DGKG: variants seen among roughly 807,000 people sequenced by gnomAD.
The protein encoded by DGKG is DAG kinase gamma.
Under a neutral mutation model 105.3 loss-of-function variants are expected in DGKG, and 78 were observed. The observed-to-expected ratio is 0.74, with a 90% CI of 0.62 to 0.89. The LOEUF is 0.89. Among genes scored for constraint, DGKG ranks in the 40% least tolerant of loss-of-function variants. The pLI, the probability that DGKG is intolerant of heterozygous loss-of-function variation, is 0.00. For synonymous variants in DGKG, 346 were observed against 367.1 expected, an observed-to-expected ratio of 0.94 and a Z score of 0.66; for missense variants, 958 against 1,020.1, an observed-to-expected ratio of 0.94 and a Z score of 0.83.
intron 1 of DGKG, among the ~76,000 whole-genome samples, chr3:186,331,818 G>C (rs1725618707): frequency 6.6e-6 from 1 of 152,214 alleles, no homozygotes; most frequent in Admixed American, 6.5e-5. Flanking sequence ...GTAATAACAA[G>C]CAATAGCAGC....
chr3:186,173,958 T>C (rs535651482), intron 22 of DGKG, among the ~76,000 whole-genome samples: 1 of 152,308 alleles, frequency 6.6e-6, no homozygotes, highest in Non-Finnish European at 1.5e-5. Context: ...CTGTGATTAA[T>C]GCTTTCCCCA....
chr3:186,225,565 G>A (rs1455281277), intron 20 of DGKG, among the ~76,000 whole-genome samples: 1 of 152,068 alleles, frequency 6.6e-6, no homozygotes, highest in East Asian at 1.9e-4. Context: ...CACACCTGAA[G>A]CCCAGCTTCT....
intron 1 of DGKG, among the ~76,000 whole-genome samples, chr3:186,343,644 G>C (rs544581735): frequency 1.4e-4 from 21 of 152,172 alleles, no homozygotes; most frequent in African/African-American, 5.1e-4. Flanking sequence ...TATCAACAGC[G>C]TGAGCATGAT....
In DGKG at chr3:186,261,751, G is replaced by T; in HGVS notation, c.1297C>A (p.His433Asn). The T allele has an allele frequency of 1.9e-6, 3 of 1,607,540 alleles. No homozygotes were observed. The highest frequency in any genetic ancestry group is 2.2e-5 in the South Asian group (2 of 89,354). ...GGGTTCACCAAGACCAGCAGGGGGT[G>T]GGTACCCGGGGTGGGGATGATCTTA... ...QYKIIPTPGT[H>N]PLLVLVNPKS... The change falls in exon 15 of 25, where the codon CAC (histidine) becomes AAC (asparagine). Residue 433 changes from histidine (H) to asparagine (N), a missense_variant. By Grantham distance (68) the His-to-Asn change is moderately conservative (BLOSUM62 1). Coordinates refer to ENST00000265022, the MANE Select transcript of DGKG (RefSeq NM_001346.3).
At chr3:186,305,379 A>T (rs749916984) in intron 3 of DGKG, among the ~76,000 whole-genome samples, 1 of 152,234 alleles carries the variant, frequency 6.6e-6, no homozygotes, top group Non-Finnish European at 1.5e-5. Flanking sequence ...TGCTGAGGTT[A>T]CGGTGACACT....
intron 22 of DGKG, among the ~76,000 whole-genome samples, chr3:186,174,330 T>C (rs1233391564): frequency 6.6e-6 from 1 of 152,114 alleles, no homozygotes; most frequent in Non-Finnish European, 1.5e-5. Flanking sequence ...CTCAAGAAGT[T>C]CCGACTTTGC....
intron 3 of DGKG, among the ~76,000 whole-genome samples, chr3:186,299,840 T>TCTTTCTTTC (rs1553815789): frequency 3.5e-4 from 28 of 80,722 alleles, no homozygotes; most frequent in African/African-American, 4.6e-4. Flanking sequence ...TTTCTTTCTT[T>TCTTTCTTTC]TTTTTTTTTT....
At chr3:186,330,470 G>A (rs1388378379) in intron 1 of DGKG, among the ~76,000 whole-genome samples, 4 of 152,196 alleles carry the variant, frequency 2.6e-5, no homozygotes, top group South Asian at 2.1e-4. Flanking sequence ...CTAACCAAGA[G>A]AGTGCATTAG....
chr3:186,293,303 C>G (rs1297224124), intron 5 of DGKG, among the ~76,000 whole-genome samples: 1 of 152,196 alleles, frequency 6.6e-6, no homozygotes, highest in Admixed American at 6.5e-5. Context: ...ACCCTTGACA[C>G]CACTGATCTT....
chr3:186,273,891 G>A (rs1296588222), intron 10 of DGKG, among the ~76,000 whole-genome samples: 1 of 152,194 alleles, frequency 6.6e-6, no homozygotes, highest in Non-Finnish European at 1.5e-5. Flanking sequence ...CACATCACGG[G>A]GCGGGCGGCA....
intron 1 of DGKG, among the ~76,000 whole-genome samples, chr3:186,353,561 GTATGTATATATA>G (rs1332322436): frequency 9.3e-6 from 1 of 107,946 alleles, no homozygotes; most frequent in Admixed American, 8.6e-5. Context: ...ATACTTTTAT[GTATGTATATATA>G]TATATATATA....
At chr3:186,348,414 T>TATTCA (rs1246850422) in intron 1 of DGKG, among the ~76,000 whole-genome samples, 25 of 148,106 alleles carry the variant, frequency 1.7e-4, no homozygotes, top group African/African-American at 6.4e-4. Flanking sequence ...TTTTTTTTTC[T>TATTCA]GTACAAATTA....
intron 20 of DGKG, among the ~76,000 whole-genome samples, chr3:186,235,478 C>T (rs1253727775): frequency 1.3e-5 from 2 of 152,164 alleles, no homozygotes; most frequent in African/African-American, 2.4e-5. Context: ...TTTAACTTTG[C>T]TATATTTGCT....
chr3:186,327,396 T>G (rs1481346031), intron 1 of DGKG, among the ~76,000 whole-genome samples: 1 of 150,912 alleles, frequency 6.6e-6, no homozygotes, highest in Non-Finnish European at 1.5e-5. Flanking sequence ...TCTTCTTTTT[T>G]TTTTTTTTGA....
chr3:186,263,041 C>T (rs192412261), intron 14 of DGKG, among the ~76,000 whole-genome samples: 6 of 151,922 alleles, frequency 3.9e-5, no homozygotes, highest in Admixed American at 6.6e-5. Flanking sequence ...GCAGGAGAAT[C>T]GCTTGAACCT....
intron 24 of DGKG, chr3:186,160,431 G>A (rs540656950): frequency 5.2e-5 from 51 of 985,138 alleles, no homozygotes; most frequent in African/African-American, 2.1e-4. Flanking sequence ...CCCTCTATGC[G>A]TCCTAACTCC....
chr3:186,208,619 A>T (rs961922475), intron 21 of DGKG, among the ~76,000 whole-genome samples: 7 of 152,140 alleles, frequency 4.6e-5, no homozygotes, highest in Admixed American at 2.0e-4. Context: ...GTGTGGGAAG[A>T]CCTTTTGCAA....
chr3:186,289,361 T>C (rs1723215141), intron 5 of DGKG, among the ~76,000 whole-genome samples: 1 of 152,214 alleles, frequency 6.6e-6, no homozygotes, highest in South Asian at 2.1e-4. Context: ...CCGGGATTGA[T>C]AATTAACGAA....
chr3:186,186,462 C>T (rs1340265948), intron 22 of DGKG, among the ~76,000 whole-genome samples: 1 of 152,178 alleles, frequency 6.6e-6, no homozygotes, highest in African/African-American at 2.4e-5. Context: ...TTGAGATTCC[C>T]AGGAACCAGC....
Sources: allele counts gnomAD v4.1 joint callset (sites outside exome capture counted in the v4.1 genomes callset), GRCh38; gene constraint gnomAD v4.1.1; transcripts MANE v1.5; gene names NCBI Gene and HGNC (gene_info 2026-07-23, HGNC 2026-07-21).